Variants in TPST1 observed in about 807,000 individuals in gnomAD.
TPST1 encodes the protein tyrosylprotein sulfotransferase 1.
A neutral mutation model predicts 34.8 loss-of-function variants in TPST1; 20 were observed. The observed-to-expected ratio is 0.57, with a 90% confidence interval of 0.40 to 0.84. The LOEUF (loss-of-function observed/expected upper bound fraction) is 0.84, where lower values mean the gene tolerates loss of function less well. Ranked by LOEUF, TPST1 falls within the 40% of genes least tolerant of loss-of-function variation. The pLI, the probability that TPST1 is intolerant of heterozygous loss-of-function variation, is 0.00. For synonymous variants in TPST1, 152 were observed against 159.4 expected, an observed-to-expected ratio of 0.95 and a Z score of 0.35; for missense variants, 353 against 455.5, an observed-to-expected ratio of 0.78 and a Z score of 2.05.
chr7:66,356,648 C>T (rs1488472639), intron 4 of TPST1, among the ~76,000 whole-genome samples, 177 bp from the exon 5 acceptor site: 5 of 152,208 alleles, frequency 3.3e-5, no homozygotes, highest in African/African-American at 1.2e-4. Context: ...CGGCATTTCC[C>T]TCCCAGGAAC....
chr7:66,213,521 C>G (rs928148648), intron 1 of TPST1, among the ~76,000 whole-genome samples: 9 of 151,976 alleles, frequency 5.9e-5, no homozygotes, highest in South Asian at 2.1e-4. Context: ...TTTGGGAGGC[C>G]GAGGCGGGCA....
At chr7:66,207,525 G>C (rs550616540) in intron 1 of TPST1, among the ~76,000 whole-genome samples, 1 of 152,152 alleles carries the variant, frequency 6.6e-6, no homozygotes, top group Non-Finnish European at 1.5e-5. Flanking sequence ...CCACCATTCA[G>C]ACCAAAACAA....
intron 1 of TPST1, among the ~76,000 whole-genome samples, chr7:66,215,121 C>T (rs1479571580): frequency 1.3e-5 from 2 of 148,758 alleles, no homozygotes; most frequent in African/African-American, 2.5e-5. Flanking sequence ...GTGGCGCGAT[C>T]TTGGCTCACT....
intron 2 of TPST1, among the ~76,000 whole-genome samples, chr7:66,267,978 G>C (rs917978210): frequency 6.7e-6 from 1 of 150,098 alleles, no homozygotes; most frequent in Non-Finnish European, 1.5e-5. Flanking sequence ...TTTTTGACAG[G>C]GTTTCCATCT....
intron 1 of TPST1, among the ~76,000 whole-genome samples, chr7:66,216,266 T>C (rs1411847249): frequency 1.5e-5 from 2 of 137,250 alleles, no homozygotes; most frequent in Non-Finnish European, 3.2e-5. Context: ...TAGTTACGTC[T>C]CCTTTTCATT....
intron 5 of TPST1, among the ~76,000 whole-genome samples, chr7:66,358,382 C>A (rs1792625111): frequency 6.7e-6 from 1 of 148,946 alleles, no homozygotes. Flanking sequence ...ATGTATTGTG[C>A]ATACTCCATA....
chr7:66,327,409 T>C (rs1791889029), intron 3 of TPST1, among the ~76,000 whole-genome samples: 1 of 152,158 alleles, frequency 6.6e-6, no homozygotes, highest in Non-Finnish European at 1.5e-5. Flanking sequence ...GACTAGTCTT[T>C]TAACCTTTAG....
intron 3 of TPST1, among the ~76,000 whole-genome samples, chr7:66,315,138 A>T (rs529342026): frequency 6.6e-6 from 1 of 152,228 alleles, no homozygotes; most frequent in Non-Finnish European, 1.5e-5. Context: ...CCCATTCAAA[A>T]CAGTTCAGTT....
chr7:66,306,566 C>A lies in TPST1; in HGVS notation c.1044+19857C>A, dbSNP rs184197246. Among the ~76,000 whole-genome samples the A allele has an allele frequency of 7.9e-4, 120 of 152,264 alleles. 1 individual carries two copies. The South Asian group carries it at 0.013, about 16-fold the overall frequency. ...TGTGCTGCTTAGTGACTGAAGCTGT[C>A]CCACCCTCAAGGAAAAACTTGATGA... On this transcript the variant is annotated intron_variant, in intron 3 of 5. Coordinates refer to ENST00000304842, the MANE Select transcript of TPST1 (RefSeq NM_003596.4).
At chr7:66,233,550 A>G (rs1446002945) in intron 1 of TPST1, among the ~76,000 whole-genome samples, 1 of 152,096 alleles carries the variant, frequency 6.6e-6, no homozygotes, top group African/African-American at 2.4e-5. Flanking sequence ...CTATTCATTT[A>G]TGTGTCCATT....
intron 3 of TPST1, among the ~76,000 whole-genome samples, chr7:66,306,365 G>GTAA (rs1205092976): frequency 6.6e-6 from 1 of 152,216 alleles, no homozygotes; most frequent in Admixed American, 6.5e-5. Flanking sequence ...CTGTGCATGT[G>GTAA]TGATTCAGAG....
At chr7:66,295,984 G>C (rs1465910439) in intron 3 of TPST1, among the ~76,000 whole-genome samples, 6 of 152,100 alleles carry the variant, frequency 3.9e-5, no homozygotes, top group African/African-American at 1.4e-4. Context: ...GTAATTCATA[G>C]CTATCTCCTT....
At chr7:66,313,185 G>C (rs945282464) in intron 3 of TPST1, among the ~76,000 whole-genome samples, 1 of 152,142 alleles carries the variant, frequency 6.6e-6, no homozygotes, top group African/African-American at 2.4e-5. Context: ...GGTGGCCAAG[G>C]TGGGCAGATC....
At chr7:66,349,445 G>A (rs1426233846) in intron 3 of TPST1, among the ~76,000 whole-genome samples, 1 of 152,146 alleles carries the variant, frequency 6.6e-6, no homozygotes, top group Non-Finnish European at 1.5e-5. Context: ...GGTGGTGCAT[G>A]CCTGTAATCC....
intron 3 of TPST1, among the ~76,000 whole-genome samples, chr7:66,321,497 G>A (rs1791756858): frequency 6.6e-6 from 1 of 152,236 alleles, no homozygotes; most frequent in African/African-American, 2.4e-5. Context: ...TTTCTTATCA[G>A]ACATAAGATT....
intron 3 of TPST1, among the ~76,000 whole-genome samples, chr7:66,295,694 C>T (rs1026044091): frequency 2.6e-5 from 4 of 152,174 alleles, no homozygotes; most frequent in African/African-American, 9.7e-5. Flanking sequence ...GAGTCTTGCT[C>T]TGTTGGCACA....
intron 1 of TPST1, among the ~76,000 whole-genome samples, chr7:66,232,892 G>T (rs1225168232): frequency 1.3e-5 from 2 of 152,122 alleles, no homozygotes; most frequent in Non-Finnish European, 2.9e-5. Context: ...TACTGCCCAT[G>T]TTGTCATCTA....
intron 3 of TPST1, among the ~76,000 whole-genome samples, chr7:66,336,946 G>T (rs1247150010): frequency 6.6e-6 from 1 of 152,148 alleles, no homozygotes; most frequent in Non-Finnish European, 1.5e-5. Flanking sequence ...GAGTGGAATG[G>T]TATATTTAGA....
At chr7:66,213,289 C>A (rs1448190776) in intron 1 of TPST1, among the ~76,000 whole-genome samples, 1 of 151,842 alleles carries the variant, frequency 6.6e-6, no homozygotes, top group East Asian at 1.9e-4. Context: ...ATTCTTGTTT[C>A]AAGTTTATTG....
Sources: allele counts gnomAD v4.1 joint callset (sites outside exome capture counted in the v4.1 genomes callset), GRCh38; gene constraint gnomAD v4.1.1; transcripts MANE v1.5; gene names NCBI Gene and HGNC (gene_info 2026-07-23, HGNC 2026-07-21).